ATP13A3: variants seen among roughly 807,000 people sequenced by gnomAD.
The protein encoded by ATP13A3 is ATPase 13A3.
ATP13A3 carries 59 observed loss-of-function variants against 158.1 expected under a neutral mutation model. That is an observed-to-expected ratio of 0.37 (90% CI 0.30 to 0.46). ATP13A3 has a LOEUF of 0.46. Among genes scored for constraint, ATP13A3 ranks in the 20% least tolerant of loss-of-function variants. ATP13A3 has a pLI of 1.00. For missense variants in ATP13A3, 1,166 were observed against 1,525.2 expected (o/e 0.76, Z 3.92); for synonymous variants, 491 against 504.3 (o/e 0.97, Z 0.35).
At chr3:194,422,539 G>C (rs1223626663) in intron 30 of ATP13A3, among the ~76,000 whole-genome samples, 1 of 152,102 alleles carries the variant, frequency 6.6e-6, no homozygotes, top group East Asian at 1.9e-4. Context: ...GATATGATAA[G>C]GATTCTGTAG....
chr3:194,449,090 C>G (rs995849083), intron 11 of ATP13A3, among the ~76,000 whole-genome samples: 13 of 137,526 alleles, frequency 9.5e-5, no homozygotes, highest in Admixed American at 4.4e-4. Flanking sequence ...CACACACACA[C>G]AGAACAGAAA....
rs1431244120 is a variant in ATP13A3 at position 194,426,171 on chromosome 3, T to C, written c.3126-642A>G. On this transcript the variant is annotated intron_variant, in intron 29 of 33. Transcript: ENST00000645319. ...CTGCAAGTGAACTATGGGAAGATTC[T>C]CAAGAAAATTCCACCTCTTTTTTTT... Among the ~76,000 whole-genome samples, 10 of 151,554 alleles carry C rather than the reference T, an allele frequency of 6.6e-5. No individual in the cohort carries two copies. The East Asian group carries it at 1.9e-3, about 29-fold the overall frequency.
chr3:194,471,768 A>G (rs1292530429), intron 2 of ATP13A3, among the ~76,000 whole-genome samples: 1 of 151,734 alleles, frequency 6.6e-6, no homozygotes, highest in East Asian at 1.9e-4. Flanking sequence ...ACAAACAAAC[A>G]TAAATGAAAA....
chr3:194,485,032 G>C (rs1720911271), intron 2 of ATP13A3, among the ~76,000 whole-genome samples: 1 of 150,890 alleles, frequency 6.6e-6, no homozygotes, highest in African/African-American at 2.5e-5. Context: ...ACTCCAGCCT[G>C]GGCAACAGAG....
chr3:194,489,229 G>A (rs570963730), upstream of ATP13A3, among the ~76,000 whole-genome samples: 4 of 152,210 alleles, frequency 2.6e-5, no homozygotes, highest in East Asian at 1.9e-4. This position sits in a 1 kb window ranked among gnomAD's most constrained non-coding sequence, Gnocchi z 4.1. Context: ...TGGATCACAC[G>A]AGGTCAGGAG....
At chr3:194,420,859 C>T (rs2108767811) in intron 30 of ATP13A3, among the ~76,000 whole-genome samples, 1 of 151,510 alleles carries the variant, frequency 6.6e-6, no homozygotes, top group African/African-American at 2.4e-5. Context: ...TTACAACTTC[C>T]TATTTGAACT....
At chr3:194,433,516 T>C (rs1219973199) in intron 21 of ATP13A3, among the ~76,000 whole-genome samples, 1 of 152,212 alleles carries the variant, frequency 6.6e-6, no homozygotes, top group East Asian at 1.9e-4. Context: ...GTGCTGGGAT[T>C]ACAGGCGTGA....
chr3:194,435,893 C>G (rs58291587), intron 20 of ATP13A3, among the ~76,000 whole-genome samples: 1 of 151,766 alleles, frequency 6.6e-6, no homozygotes, highest in African/African-American at 2.4e-5. Flanking sequence ...GGCAACAGAG[C>G]GAGACTCCGT....
chr3:194,478,891 T>C (rs993160278), intron 2 of ATP13A3, among the ~76,000 whole-genome samples: 1 of 152,166 alleles, frequency 6.6e-6, no homozygotes, highest in Admixed American at 6.5e-5. Context: ...GTTTGGCATG[T>C]ACAGGAACTA....
chr3:194,427,490 C>T (rs947005388), intron 28 of ATP13A3, among the ~76,000 whole-genome samples: 1 of 151,826 alleles, frequency 6.6e-6, no homozygotes, highest in African/African-American at 2.4e-5. Context: ...TATTGAAATT[C>T]AGCAGTAATA....
intron 31 of ATP13A3, among the ~76,000 whole-genome samples, chr3:194,418,384 G>A (rs13073270): frequency 0.13 from 19,856 of 151,884 alleles, 1,337 homozygotes; most frequent in Non-Finnish European, 0.14. Flanking sequence ...GCCACAAACT[G>A]GGAGAAGATA....
chr3:194,488,814 T>C (rs908165835), upstream of ATP13A3: 2 of 152,248 alleles, frequency 1.3e-5, no homozygotes, highest in Non-Finnish European at 2.9e-5. This position sits in a 1 kb window ranked among gnomAD's most constrained non-coding sequence, Gnocchi z 4.1. Flanking sequence ...ACAACTTTGC[T>C]CACTTCACTC....
chr3:194,414,889 C>T (rs2108741970), intron 31 of ATP13A3, among the ~76,000 whole-genome samples: 1 of 152,230 alleles, frequency 6.6e-6, no homozygotes, highest in Middle Eastern at 3.4e-3. Flanking sequence ...ATTTGCAGGT[C>T]TAAAGCTTAG....
At chr3:194,415,667 T>TTTTTTTTTG (rs1715791277) in intron 31 of ATP13A3, among the ~76,000 whole-genome samples, 1 of 125,346 alleles carries the variant, frequency 8.0e-6, no homozygotes, top group African/African-American at 3.3e-5. Flanking sequence ...CATTCTTTTT[T>TTTTTTTTTG]TTTTTTTTTT....
At chr3:194,481,456 A>G (rs1720747257) in intron 2 of ATP13A3, among the ~76,000 whole-genome samples, 1 of 152,188 alleles carries the variant, frequency 6.6e-6, no homozygotes, top group African/African-American at 2.4e-5. Flanking sequence ...GGTGAAAGGA[A>G]CACCCAAGCT....
At chr3:194,433,479 A>C (rs918003299) in intron 21 of ATP13A3, among the ~76,000 whole-genome samples, 1 of 151,878 alleles carries the variant, frequency 6.6e-6, no homozygotes, top group Non-Finnish European at 1.5e-5. Context: ...TCCTGACCTC[A>C]TGATCCACCC....
intron 9 of ATP13A3, 154 bp from the exon 10 acceptor site, chr3:194,453,932 A>G: frequency 1.5e-6 from 1 of 662,290 alleles, no homozygotes; most frequent in Non-Finnish European, 2.6e-6. Context: ...TCATTGTTTT[A>G]GTTCAAGACA....
rs1335558118 is a variant in ATP13A3 at position 194,463,373 on chromosome 3, TCTAA to T, written c.-46-1141_-46-1138del. The stretch of plus-strand genomic sequence containing the variant: ...GCAAGATGTAAAACGATGCCAGTTT[TCTAA>T]CTTTTTGTTTTTTTAGAAAATATCT... On this transcript the variant is annotated intron_variant, in intron 2 of 33. Transcript: ENST00000645319. Among the ~76,000 whole-genome samples the T allele has an allele frequency of 3.9e-5, 6 of 152,118 alleles. 1 individual carries two copies. Among genetic ancestry groups the T allele is most frequent in the African/African-American group, 7.2e-5 (3 of 41,450 alleles).
intron 20 of ATP13A3, 112 bp from the exon 21 acceptor site, chr3:194,434,008 G>GAACAA: frequency 8.8e-7 from 1 of 1,131,254 alleles, no homozygotes. Flanking sequence ...TTATAATGCA[G>GAACAA]TTTAAAATAT....
Sources: gnomAD v4.1 joint callset for allele counts (sites outside exome capture counted in the v4.1 genomes callset) on GRCh38, gnomAD v4.1.1 for gene constraint, Gnocchi (gnomAD v3.1) non-coding constraint, MANE v1.5 for transcripts, NCBI Gene and HGNC (gene_info 2026-07-23, HGNC 2026-07-21) for gene names.